The following TRANK1 variants were observed in gnomAD, a reference collection of about 807,000 sequenced individuals.
TRANK1 encodes the protein tetratricopeptide repeat and ankyrin repeat containing 1.
TRANK1 carries 198 observed loss-of-function variants against 266.0 expected under a neutral mutation model. The observed-to-expected ratio is 0.74, with a 90% CI of 0.66 to 0.84. The LOEUF is 0.84. Ranked by LOEUF, TRANK1 falls within the 40% of genes least tolerant of loss-of-function variation. The probability of loss-of-function intolerance (pLI) is 0.00; values close to 1 mark genes in which losing one functional copy is unlikely to be tolerated. For missense variants in TRANK1, 3,326 were observed against 3,634.6 expected (o/e 0.92, Z 2.18); for synonymous variants, 1,396 against 1,384.1 (o/e 1.01, Z -0.19).
intron 17 of TRANK1, among the ~76,000 whole-genome samples, chr3:36,844,259 C>T (rs922381233): frequency 2.0e-5 from 3 of 152,086 alleles, no homozygotes; most frequent in Non-Finnish European, 4.4e-5. Flanking sequence ...TGGAGTCTTG[C>T]TCTATCACCC....
intron 2 of TRANK1, among the ~76,000 whole-genome samples, chr3:36,907,902 A>G (rs1172180746): frequency 6.6e-6 from 1 of 152,210 alleles, no homozygotes; most frequent in African/African-American, 2.4e-5. Context: ...TGATACTACA[A>G]TGTTTGAGAA....
At chr3:36,887,093 G>A (rs1470225041) in intron 8 of TRANK1, among the ~76,000 whole-genome samples, 1 of 151,872 alleles carries the variant, frequency 6.6e-6, no homozygotes, top group East Asian at 1.9e-4. Flanking sequence ...ACCTGGAGAT[G>A]TGTTTTTTGT....
intron 1 of TRANK1, among the ~76,000 whole-genome samples, chr3:36,915,328 G>C (rs2080110041): frequency 6.6e-6 from 1 of 152,196 alleles, no homozygotes; most frequent in Admixed American, 6.6e-5. Flanking sequence ...TAATGTATAA[G>C]TGATCAGATC....
At chr3:36,938,199 TTTTGTTTG>T (rs959583580) in intron 1 of TRANK1, among the ~76,000 whole-genome samples, 41 of 151,742 alleles carry the variant, frequency 2.7e-4, no homozygotes, top group African/African-American at 9.7e-4. Context: ...CTCTGGGTTT[TTTTGTTTG>T]TTTGTTTGTT....
rs578082462 is a variant in TRANK1 at position 36,902,236 on chromosome 3, T to C, written c.282+913A>G. Among the ~76,000 whole-genome samples the C allele has an allele frequency of 1.2e-3, 177 of 152,350 alleles. 1 individual carries two copies. The highest frequency in any genetic ancestry group is 0.01 in the Middle Eastern group (3 of 294). ...GGACGAGCTTGTTCTAAAATATTCA[T>C]CTTCCAATAAGAAGTTTAAGAGTCA... On this transcript the variant is annotated intron_variant, in intron 3 of 23. Transcript: ENST00000645898.
chr3:36,904,307 C>G (rs1158050623), intron 2 of TRANK1, among the ~76,000 whole-genome samples: 1 of 151,376 alleles, frequency 6.6e-6, no homozygotes. Flanking sequence ...GAGGCCGAGG[C>G]GAGGAGTTCG....
chr3:36,917,477 C>G (rs544280530), intron 1 of TRANK1, among the ~76,000 whole-genome samples: 1 of 152,160 alleles, frequency 6.6e-6, no homozygotes, highest in East Asian at 1.9e-4. Flanking sequence ...GAGAACCATT[C>G]GCCCCTCTAA....
chr3:36,858,645 A>G, intron 12 of TRANK1, 73 bp downstream of exon 12: 1 of 1,400,530 alleles, frequency 7.1e-7, no homozygotes, highest in Non-Finnish European at 9.3e-7. Flanking sequence ...AGGAAAGACC[A>G]GAAAACATAG....
chr3:36,833,769 G>T lies in TRANK1; in HGVS notation c.5814C>A (p.Asp1938Glu). ...MAVLSKLDIE[D>E]QLVFLKSRKR... ...TCCGAGACTTCAAGAACACCAGCTG[G>T]TCTTCTATGTCTAGCTTTGAGAGGA... The change falls in exon 22 of 24, where the codon GAC becomes GAA. Residue 1938 changes from aspartate (D) to glutamate (E), a missense_variant. Physicochemically the swap from Asp to Glu is conservative, Grantham distance 45. Coordinates refer to ENST00000645898, the MANE Select transcript of TRANK1 (RefSeq NM_001329998.2). 1 of 1,613,974 alleles carries T rather than the reference G, an allele frequency of 6.2e-7. No individual in the cohort carries two copies. Among genetic ancestry groups the T allele is most frequent in the Non-Finnish European group, 8.5e-7 (1 of 1,179,892 alleles).
intron 1 of TRANK1, among the ~76,000 whole-genome samples, chr3:36,931,559 G>T (rs561375637): frequency 2.0e-5 from 3 of 152,142 alleles, no homozygotes; most frequent in African/African-American, 7.2e-5. Context: ...GCAAAAATTA[G>T]CTGGGCATGG....
intron 9 of TRANK1, among the ~76,000 whole-genome samples, chr3:36,868,238 GTTT>G (rs2079256368): frequency 6.6e-6 from 1 of 152,128 alleles, no homozygotes; most frequent in African/African-American, 2.4e-5. Flanking sequence ...GTCTGGTGAT[GTTT>G]TTGTGACCAA....
At chr3:36,872,120 G>T (rs2079318207) in intron 9 of TRANK1, among the ~76,000 whole-genome samples, 1 of 152,220 alleles carries the variant, frequency 6.6e-6, no homozygotes. Context: ...AGTGAGTCAG[G>T]CTGGGCATGG....
rs563556626 is a variant in TRANK1 at position 36,844,415 on chromosome 3, T to C, written c.5192-1705A>G. Among the ~76,000 whole-genome samples the C allele has an allele frequency of 2.1e-3, 318 of 152,210 alleles. 1 individual carries two copies. Among genetic ancestry groups the C allele is most frequent in the Middle Eastern group, 6.8e-3 (2 of 294 alleles). ...CTAATTTTTGTATTTTTAGTAGAGA[T>C]GGGGTTTCACCATGTTGGTCAGGCT... On this transcript the variant is annotated intron_variant, in intron 17 of 23. Transcript: ENST00000645898.
At chr3:36,927,442 C>T (rs572550221) in intron 1 of TRANK1, among the ~76,000 whole-genome samples, 2 of 152,326 alleles carry the variant, frequency 1.3e-5, no homozygotes, top group South Asian at 4.1e-4. Flanking sequence ...TTACAATCTT[C>T]CTTCACCCAA....
Position 36,832,892 on chromosome 3 carries a change from T to C in TRANK1, c.6691A>G (p.Ile2231Val). ...LVQSKMNLVA[I>V]NGLLLEAKKV... ...TTGGCTTCCAAAAGCAACCCGTTGA[T>C]TGCCACCAAGTTCATTTTCGACTGA... Residue 2231 changes from isoleucine to valine, a missense_variant, in exon 22 of 24, where the codon ATC becomes GTC. Ile to Val is a conservative substitution (Grantham distance 29). Coordinates refer to ENST00000645898, the MANE Select transcript of TRANK1 (RefSeq NM_001329998.2). 6.2e-7 allele frequency: 1 copy of C among 1,613,916 alleles called. No homozygotes were observed. Among genetic ancestry groups the C allele is most frequent in the African/African-American group, 1.3e-5 (1 of 75,048 alleles).
At position 36,857,930 on chromosome 3, in the gene TRANK1, G is replaced by C. The variant is rs778356924; in HGVS notation, c.1792C>G (p.Leu598Val). Residue 598 changes from leucine (L) to valine (V), a missense_variant, in exon 13 of 24, where the codon CTC becomes GTC. By Grantham distance (32) the Leu-to-Val change is conservative. Transcript: ENST00000645898. The surrounding 1 kb of genome is among the most constrained non-coding windows in gnomAD (Gnocchi z 4.3). ...CGCTTTAGCATGCCCTTCTGGAAGA[G>C]GATGTGCATCAGCGTGTTCCCATTG... The part of the protein sequence containing the change: ...DSNGNTLMHI[L>V]FQKGMLKRVK... 2 of 1,605,668 alleles carry C rather than the reference G, an allele frequency of 1.2e-6. No homozygotes were observed. Among genetic ancestry groups the C allele is most frequent in the East Asian group, 4.5e-5 (2 of 44,882 alleles).
intron 1 of TRANK1, among the ~76,000 whole-genome samples, chr3:36,925,510 A>G (rs932299835): frequency 6.6e-6 from 1 of 152,244 alleles, no homozygotes; most frequent in Non-Finnish European, 1.5e-5. Context: ...AAAAGGTAAA[A>G]GAAGTTTTGT....
intron 10 of TRANK1, 111 bp from the exon 11 acceptor site, chr3:36,861,271 T>C: frequency 7.5e-7 from 1 of 1,326,536 alleles, no homozygotes; most frequent in East Asian, 2.5e-5. Context: ...TATAAACAAG[T>C]AGTTGATTAT....
At chr3:36,903,839 T>C (rs17035735) in intron 2 of TRANK1, among the ~76,000 whole-genome samples, 4,499 of 152,290 alleles carry the variant, frequency 0.03, 219 homozygotes, top group African/African-American at 0.1. Context: ...TGCAAGTTAA[T>C]GCTGAAACCA....
Sources: gnomAD v4.1 joint callset for allele counts (sites outside exome capture counted in the v4.1 genomes callset) on GRCh38, gnomAD v4.1.1 for gene constraint, Gnocchi (gnomAD v3.1) non-coding constraint, MANE v1.5 for transcripts, NCBI Gene and HGNC (gene_info 2026-07-23, HGNC 2026-07-21) for gene names.